KCNG2: variants seen among roughly 807,000 people sequenced by gnomAD.
KCNG2 encodes voltage-gated potassium channel regulatory subunit KCNG2.
Under a neutral mutation model 12.3 loss-of-function variants are expected in KCNG2, and 7 were observed. The ratio of observed to expected loss-of-function variants is 0.57; its 90% CI spans 0.32 to 1.07. The LOEUF is 1.07. Among genes scored for constraint, KCNG2 ranks in the 50% least tolerant of loss-of-function variants. KCNG2 has a pLI of 0.04. For missense variants in KCNG2, 703 were observed against 726.0 expected (o/e 0.97, Z 0.36); for synonymous variants, 414 against 351.4 (o/e 1.18, Z -1.99).
At chr18:79,836,620 G>C (rs1193143657) in intron 1 of KCNG2, among the ~76,000 whole-genome samples, 1 of 152,174 alleles carries the variant, frequency 6.6e-6, no homozygotes, top group Non-Finnish European at 1.5e-5. Flanking sequence ...AGTTCCACAT[G>C]GCTGGGGAGG....
chr18:79,855,900 G>A (rs1274792460), intron 1 of KCNG2, among the ~76,000 whole-genome samples: 5 of 152,116 alleles, frequency 3.3e-5, no homozygotes, highest in African/African-American at 1.2e-4. Context: ...TTTTTCATAT[G>A]TTGGAAGCCT....
At chr18:79,798,402 G>A (rs1160454200) in intron 1 of KCNG2, among the ~76,000 whole-genome samples, 3 of 152,136 alleles carry the variant, frequency 2.0e-5, no homozygotes, top group Non-Finnish European at 4.4e-5. Flanking sequence ...GTGAGCCGAA[G>A]GCGAGGAAGG....
At chr18:79,819,101 C>T (rs2087551820) in intron 1 of KCNG2, among the ~76,000 whole-genome samples, 2 of 152,228 alleles carry the variant, frequency 1.3e-5, no homozygotes, top group South Asian at 4.1e-4. Context: ...CAGAGAGACT[C>T]GTTCCGCAAC....
At position 79,899,890 on chromosome 18, in the gene KCNG2, G is replaced by A. The variant is rs907853627; in HGVS notation, c.*74G>A. ...TCGGGACCCCCGAGGTGCGCCAAGG[G>A]GTGGGGGGCGTCTGGCCTGGGGGAG... On this transcript the variant is annotated 3_prime_UTR_variant, in exon 4 of 4. Transcript: ENST00000316249. 4.0e-6 allele frequency: 5 copies of A among 1,252,084 alleles called. No individual in the cohort carries two copies. Among genetic ancestry groups the A allele is most frequent in the Non-Finnish European group, 5.0e-6 (5 of 990,446 alleles). 77.6% of individuals were successfully genotyped at this position (1,252,084 alleles called of 1,614,324 possible).
rs181426235 is a variant in KCNG2 at position 79,800,092 on chromosome 18, G to C, written c.-115+2078G>C. 6.6e-6 allele frequency among the ~76,000 whole-genome samples: 1 copy of C among 152,134 alleles called. No homozygotes were observed. The highest frequency in any genetic ancestry group is 1.5e-5 in the Non-Finnish European group (1 of 68,030). ...CAGGCAGGCACCTGGAGGGCAGCGC[G>C]AACGGAGGGCTGTTTGTCGTGGGAG... is the stretch of plus-strand genomic sequence containing the variant. On this transcript the variant is annotated intron_variant, in intron 1 of 3. Coordinates refer to ENST00000316249, the MANE Select transcript of KCNG2 (RefSeq NM_012283.2). This position sits in a 1 kb window ranked among gnomAD's most constrained non-coding sequence, Gnocchi z 4.0.
intron 1 of KCNG2, among the ~76,000 whole-genome samples, chr18:79,844,005 A>G (rs909234994): frequency 2.6e-5 from 4 of 152,258 alleles, no homozygotes; most frequent in Non-Finnish European, 5.9e-5. Context: ...CTTTAAGGAT[A>G]TACATAGGCT....
chr18:79,826,034 G>A (rs931277780), intron 1 of KCNG2, among the ~76,000 whole-genome samples: 5 of 152,248 alleles, frequency 3.3e-5, no homozygotes, highest in Admixed American at 2.6e-4. Context: ...GGAGGCTGCA[G>A]CTTAAGAGGA....
chr18:79,807,836 G>A (rs1441334278), intron 1 of KCNG2, among the ~76,000 whole-genome samples: 2 of 133,062 alleles, frequency 1.5e-5, no homozygotes, highest in Non-Finnish European at 3.2e-5. Flanking sequence ...CTGAGGAGCT[G>A]CCGGGGCCGC....
chr18:79,811,296 G>T (rs1248706890), intron 1 of KCNG2, among the ~76,000 whole-genome samples: 1 of 152,210 alleles, frequency 6.6e-6, no homozygotes, highest in Non-Finnish European at 1.5e-5. Context: ...GAACAAAGTT[G>T]GAGTTCTCAC....
chr18:79,849,087 C>T (rs922809805), intron 1 of KCNG2, among the ~76,000 whole-genome samples: 3 of 152,136 alleles, frequency 2.0e-5, no homozygotes, highest in Non-Finnish European at 2.9e-5. Flanking sequence ...GCCACTCGGC[C>T]GCTCTGCACG....
At chr18:79,812,722 G>A (rs576480937) in intron 1 of KCNG2, among the ~76,000 whole-genome samples, 125 of 152,068 alleles carry the variant, frequency 8.2e-4, no homozygotes, top group Non-Finnish European at 1.4e-3. Context: ...TTAGCCAGGC[G>A]TGGTGGTGCG....
intron 1 of KCNG2, among the ~76,000 whole-genome samples, chr18:79,799,268 C>G (rs931698520): frequency 2.2e-4 from 34 of 152,338 alleles, no homozygotes; most frequent in African/African-American, 7.9e-4. Context: ...GGACTCAGCC[C>G]TGAGTGGTTT....
chr18:79,801,151 C>T (rs906491163), intron 1 of KCNG2, among the ~76,000 whole-genome samples: 2 of 152,210 alleles, frequency 1.3e-5, no homozygotes, highest in African/African-American at 2.4e-5. Context: ...GACGCCCTGA[C>T]CTGTGTCAAA....
chr18:79,890,173 A>G (rs1044931953), intron 3 of KCNG2, among the ~76,000 whole-genome samples: 4 of 152,074 alleles, frequency 2.6e-5, no homozygotes, highest in African/African-American at 7.2e-5. Context: ...TTTTCTTGTG[A>G]TACTTCATCT....
intron 1 of KCNG2, among the ~76,000 whole-genome samples, chr18:79,831,747 G>A (rs545630626): frequency 1.1e-5 from 1 of 88,082 alleles, no homozygotes; most frequent in African/African-American, 3.0e-5. Context: ...GGTTCCCTGC[G>A]GACAGAGCCT....
At chr18:79,825,069 G>A (rs1284066736) in intron 1 of KCNG2, among the ~76,000 whole-genome samples, 1 of 123,938 alleles carries the variant, frequency 8.1e-6, no homozygotes, top group Non-Finnish European at 1.7e-5. Context: ...AGAATTCTCT[G>A]TAAACCTGTC....
intron 1 of KCNG2, among the ~76,000 whole-genome samples, chr18:79,819,733 A>C (rs1295324037): frequency 2.0e-5 from 3 of 152,190 alleles, no homozygotes. Flanking sequence ...CATTTTAACT[A>C]TTTCAAGTGG....
chr18:79,898,928 G>A, intron 3 of KCNG2, 112 bp from the exon 4 acceptor site: 1 of 758,008 alleles, frequency 1.3e-6, no homozygotes, highest in South Asian at 2.0e-5. Flanking sequence ...CCGTGGGTTG[G>A]GGCGGGAAGG....
chr18:79,811,285 A>G (rs1406326801), intron 1 of KCNG2, among the ~76,000 whole-genome samples: 1 of 152,276 alleles, frequency 6.6e-6, no homozygotes, highest in Non-Finnish European at 1.5e-5. Context: ...ATCTTTAAAA[A>G]GAACAAAGTT....
Sources: allele counts gnomAD v4.1 joint callset (sites outside exome capture counted in the v4.1 genomes callset), GRCh38; gene constraint gnomAD v4.1.1; non-coding constraint Gnocchi (gnomAD v3.1); transcripts MANE v1.5; gene names NCBI Gene and HGNC (gene_info 2026-07-23, HGNC 2026-07-21).